IQCJ: variants seen among roughly 807,000 people sequenced by gnomAD.
IQCJ encodes IQ domain-containing protein J.
In IQCJ, 9 loss-of-function variants were observed where a neutral mutation model predicts 11.0. The observed-to-expected ratio is 0.82, with a 90% CI of 0.49 to 1.43. IQCJ has a LOEUF of 1.43. Ranked by LOEUF, IQCJ falls within the 40% of genes most tolerant of loss-of-function variation. The probability of loss-of-function intolerance (pLI) is 0.00; values close to 1 mark genes in which losing one functional copy is unlikely to be tolerated. For synonymous variants in IQCJ, 55 were observed against 51.3 expected, an observed-to-expected ratio of 1.07 and a Z score of -0.31; for missense variants, 146 against 133.2, an observed-to-expected ratio of 1.10 and a Z score of -0.47.
intron 3 of IQCJ, among the ~76,000 whole-genome samples, chr3:159,261,674 G>T (rs913131181): frequency 6.6e-6 from 1 of 152,118 alleles, no homozygotes; most frequent in African/African-American, 2.4e-5. Flanking sequence ...ACCCAGTCTC[G>T]GGTATTTCTT....
intron 3 of IQCJ, among the ~76,000 whole-genome samples, chr3:159,259,086 C>G (rs1728061789): frequency 6.6e-6 from 1 of 152,194 alleles, no homozygotes; most frequent in Non-Finnish European, 1.5e-5. Flanking sequence ...CTCTCCTCTT[C>G]TAGATAAACA....
intron 1 of IQCJ, among the ~76,000 whole-genome samples, chr3:159,120,722 T>C (rs1719318127): frequency 6.6e-6 from 1 of 152,212 alleles, no homozygotes; most frequent in Non-Finnish European, 1.5e-5. Context: ...AGGGAGTATG[T>C]TCTGCTGATT....
intron 1 of IQCJ, among the ~76,000 whole-genome samples, chr3:159,106,588 C>A (rs1455605143): frequency 6.6e-6 from 1 of 152,128 alleles, no homozygotes; most frequent in African/African-American, 2.4e-5. Flanking sequence ...ACCCACTGAA[C>A]ACCAAATGTT....
intron 3 of IQCJ, among the ~76,000 whole-genome samples, chr3:159,254,455 A>G (rs1727779027): frequency 1.3e-5 from 2 of 152,188 alleles, no homozygotes; most frequent in Admixed American, 6.5e-5. Flanking sequence ...TATCTCTTCT[A>G]ATAATTCTGA....
chr3:159,229,375 C>T (rs1173776897), intron 1 of IQCJ, among the ~76,000 whole-genome samples: 1 of 152,040 alleles, frequency 6.6e-6, no homozygotes, highest in Non-Finnish European at 1.5e-5. Context: ...CTCATTCTGT[C>T]CTGAATGTCA....
At chr3:159,157,781 C>G (rs150324783) in intron 1 of IQCJ, among the ~76,000 whole-genome samples, 2 of 152,204 alleles carry the variant, frequency 1.3e-5, no homozygotes, top group Non-Finnish European at 1.5e-5. Context: ...TTCATTTCCT[C>G]TTATTTACAC....
intron 1 of IQCJ, among the ~76,000 whole-genome samples, chr3:159,116,621 T>C (rs1719021695): frequency 8.2e-5 from 1 of 12,214 alleles, no homozygotes; most frequent in African/African-American, 3.8e-4. Context: ...TATGTATATA[T>C]ATATATATAT....
At chr3:159,171,651 TC>T (rs1435508737) in intron 1 of IQCJ, among the ~76,000 whole-genome samples, 2 of 152,196 alleles carry the variant, frequency 1.3e-5, no homozygotes, top group African/African-American at 2.4e-5. Context: ...GACAATTAAA[TC>T]AGCACTTCTG....
chr3:159,089,828 T>G (rs1717105406), intron 1 of IQCJ, among the ~76,000 whole-genome samples: 1 of 151,642 alleles, frequency 6.6e-6, no homozygotes, highest in Non-Finnish European at 1.5e-5. Flanking sequence ...CTTCTAAATT[T>G]TTTTCAAAGT....
chr3:159,177,125 T>A (rs1722839842), intron 1 of IQCJ, among the ~76,000 whole-genome samples: 2 of 152,208 alleles, frequency 1.3e-5, no homozygotes, highest in African/African-American at 4.8e-5. Flanking sequence ...AAAATCCACA[T>A]CCAAGTTTCT....
At chr3:159,129,940 T>C (rs1232538089) in intron 1 of IQCJ, among the ~76,000 whole-genome samples, 1 of 152,124 alleles carries the variant, frequency 6.6e-6, no homozygotes, top group Admixed American at 6.6e-5. Context: ...CACAAGTGGG[T>C]GTGTGCAGAT....
chr3:159,136,770 C>T (rs1208000323), intron 1 of IQCJ, among the ~76,000 whole-genome samples: 1 of 152,188 alleles, frequency 6.6e-6, no homozygotes, highest in East Asian at 1.9e-4. Context: ...TACCATCACC[C>T]TGGAAGCTAG....
At chr3:159,081,553 T>C (rs756122538) in intron 1 of IQCJ, among the ~76,000 whole-genome samples, 4 of 152,136 alleles carry the variant, frequency 2.6e-5, no homozygotes, top group Admixed American at 1.3e-4. Context: ...CTTTTCTAGA[T>C]GGTTTTATTT....
intron 1 of IQCJ, among the ~76,000 whole-genome samples, chr3:159,122,672 T>C (rs1035913120): frequency 1.3e-5 from 2 of 152,234 alleles, no homozygotes; most frequent in Non-Finnish European, 2.9e-5. Flanking sequence ...AGAATAAAAA[T>C]GATACGTGAA....
chr3:159,226,221 G>A (rs1208953507), intron 1 of IQCJ, among the ~76,000 whole-genome samples: 1 of 152,146 alleles, frequency 6.6e-6, no homozygotes, highest in African/African-American at 2.4e-5. Flanking sequence ...CGTCTCCAGA[G>A]GTCTGGGGTG....
Position 159,185,270 on chromosome 3 carries a change from C to T in IQCJ, c.10-60573C>T, listed in dbSNP as rs1035380291. ...ACAGAAATAAGACTTTCCTTGCCTGCCCCTTCCATATCTCACAGGAGGGCA... is the reference window on the plus strand; with the variant it reads ...ACAGAAATAAGACTTTCCTTGCCTGTCCCTTCCATATCTCACAGGAGGGCA... On this transcript the variant is annotated intron_variant, in intron 1 of 3. Coordinates refer to ENST00000397832, the MANE Select transcript of IQCJ (RefSeq NM_001042706.3). Among the ~76,000 whole-genome samples, 3 of 152,236 alleles carry T rather than the reference C, an allele frequency of 2.0e-5. 1 individual carries two copies. Among genetic ancestry groups the T allele is most frequent in the East Asian group, 1.9e-4 (1 of 5,166 alleles).
intron 3 of IQCJ, among the ~76,000 whole-genome samples, chr3:159,254,860 GT>G (rs1727800815): frequency 6.6e-6 from 1 of 152,256 alleles, no homozygotes; most frequent in South Asian, 2.1e-4. Flanking sequence ...ACTGTCCTAT[GT>G]TTTGGGACTC....
intron 1 of IQCJ, among the ~76,000 whole-genome samples, chr3:159,114,314 T>G (rs1309479681): frequency 6.1e-5 from 3 of 49,258 alleles, no homozygotes; most frequent in Non-Finnish European, 6.8e-5. Context: ...TTTCTAAATG[T>G]TTTTTTTTTT....
chr3:159,189,333 G>A (rs1182059445), intron 1 of IQCJ, among the ~76,000 whole-genome samples: 1 of 152,160 alleles, frequency 6.6e-6, no homozygotes, highest in Non-Finnish European at 1.5e-5. Flanking sequence ...AAGGGGACAA[G>A]GATTGCTAAT....
Sources: gnomAD v4.1 joint callset for allele counts (sites outside exome capture counted in the v4.1 genomes callset) on GRCh38, gnomAD v4.1.1 for gene constraint, MANE v1.5 for transcripts, NCBI Gene and HGNC (gene_info 2026-07-23, HGNC 2026-07-21) for gene names.